The following SEC24A variants were observed in gnomAD, a reference collection of about 807,000 sequenced individuals.
SEC24A encodes SEC24 homolog A, COPII component, also known as protein transport protein Sec24A.
A neutral mutation model predicts 129.4 loss-of-function variants in SEC24A; 93 were observed. The observed-to-expected ratio is 0.72, with a 90% CI of 0.61 to 0.85. The LOEUF is 0.85. SEC24A is among the 40% of genes least tolerant of loss of function. The pLI, the probability that SEC24A is intolerant of heterozygous loss-of-function variation, is 0.00. For synonymous variants in SEC24A, 460 were observed against 467.3 expected (o/e 0.98, Z 0.20); for missense variants, 1,264 against 1,307.4 (o/e 0.97, Z 0.51).
chr5:134,653,443 G>C (rs1354506683), intron 1 of SEC24A, among the ~76,000 whole-genome samples: 1 of 152,070 alleles, frequency 6.6e-6, no homozygotes, highest in Non-Finnish European at 1.5e-5. Flanking sequence ...AGAAAACAGA[G>C]CTGCACTCTG....
rs142859599 is a variant in SEC24A at position 134,681,048 on chromosome 5, G to A, written c.1381+1320G>A. 5.1e-3 allele frequency among the ~76,000 whole-genome samples: 762 copies of A among 150,678 alleles called. 6 individuals are homozygous for A. The highest frequency in any genetic ancestry group is 7.7e-3 in the Non-Finnish European group (519 of 67,752). ...CAGGAAGCAAAGGTTTCAGTGAGCC[G>A]AAATCGAGTCATTGCACTCCAGCCT... On this transcript the variant is annotated intron_variant, in intron 8 of 22. Transcript: ENST00000398844.
Position 134,712,308 on chromosome 5 carries a change from T to C in SEC24A, c.2728-2716T>C, listed in dbSNP as rs149736101. On this transcript the variant is annotated intron_variant, in intron 18 of 22. Coordinates refer to ENST00000398844, the MANE Select transcript of SEC24A (RefSeq NM_021982.3). The stretch of plus-strand genomic sequence containing the variant: ...CACTGTCATCCGGGCTGGAGTGTAG[T>C]GACGTGATCTTGGCTCACTGCAACC... Among the ~76,000 whole-genome samples the C allele has an allele frequency of 9.3e-3, 1,414 of 152,040 alleles. 10 individuals carry two copies. Among genetic ancestry groups the C allele is most frequent in the Admixed American group, 0.022 (333 of 15,252 alleles).
intron 4 of SEC24A, among the ~76,000 whole-genome samples, chr5:134,672,671 T>C (rs765676465): frequency 1.3e-5 from 2 of 152,210 alleles, no homozygotes; most frequent in African/African-American, 2.4e-5. Flanking sequence ...AGATTTTTTG[T>C]TAAGTTTTTC....
At position 134,674,843 on chromosome 5, in the gene SEC24A, G is replaced by C. The variant is rs138417131; in HGVS notation, c.978+68G>C. On this transcript the variant is annotated intron_variant, in intron 5 of 22. Coordinates refer to ENST00000398844, the MANE Select transcript of SEC24A (RefSeq NM_021982.3). ...TTTAAACTGTATACACATGAAGAAAGTTTTAGGAAGGTATATTATACATTT... is the reference window on the plus strand; with the variant it reads ...TTTAAACTGTATACACATGAAGAAACTTTTAGGAAGGTATATTATACATTT... The C allele has an allele frequency of 3.4e-4, 467 of 1,372,494 alleles. No individual in the cohort carries two copies. The African/African-American group carries it at 6.1e-3, about 18-fold the overall frequency. The allele number at this position is 1,372,494 out of a possible 1,614,324, so 85.0% of individuals were successfully genotyped here. A position where few individuals can be genotyped will look rare whatever the true frequency, so the allele number is the denominator to read the frequency against.
In SEC24A at chr5:134,674,683, C is replaced by A. The variant is rs1361774607; in HGVS notation, c.886C>A (p.Pro296Thr). The A allele has an allele frequency of 3.7e-6, 6 of 1,613,904 alleles. No homozygotes were observed. The highest frequency in any genetic ancestry group is 5.1e-6 in the Non-Finnish European group (6 of 1,179,904). The change falls in exon 5 of 23, where the codon CCA becomes ACA. Residue 296 changes from proline (P) to threonine (T), a missense_variant. Coordinates refer to ENST00000398844, the MANE Select transcript of SEC24A (RefSeq NM_021982.3). ...RSVGYSYPSL[P>T]PGYQNTTPPG... is the part of the protein sequence containing the mutation. Reference sequence around the variant, plus strand: ...TGTTGGATATTCATATCCCTCCTTACCACCTGGTTATCAGAACACAACACC... The same window carrying A: ...TGTTGGATATTCATATCCCTCCTTAACACCTGGTTATCAGAACACAACACC...
At chr5:134,693,349 G>T (rs1751720391) in intron 12 of SEC24A, 1 of 1,372,846 alleles carries the variant, frequency 7.3e-7, no homozygotes, top group Non-Finnish European at 9.4e-7. Flanking sequence ...ATTTGCAACA[G>T]GGAAGAGCTA....
intron 11 of SEC24A, among the ~76,000 whole-genome samples, chr5:134,692,267 A>G (rs866816393): frequency 6.6e-6 from 1 of 152,016 alleles, no homozygotes; most frequent in Admixed American, 6.6e-5. Flanking sequence ...GGCTGGTCTC[A>G]AACTCCTGAG....
rs539922166 is a variant in SEC24A at position 134,726,714 on chromosome 5, T to C, written c.*1620T>C. ...GAAGCAATTTTCAAATTGTAGCGAATTATATTATCCCCTCTTTTAAAGAAA... is the reference window on the plus strand; with the variant it reads ...GAAGCAATTTTCAAATTGTAGCGAACTATATTATCCCCTCTTTTAAAGAAA... On this transcript the variant is annotated 3_prime_UTR_variant, in exon 23 of 23. Coordinates refer to ENST00000398844, the MANE Select transcript of SEC24A (RefSeq NM_021982.3). 6.6e-6 allele frequency: 1 copy of C among 152,340 alleles called. No individual in the cohort carries two copies. Among genetic ancestry groups the C allele is most frequent in the South Asian group, 2.1e-4 (1 of 4,834 alleles). The allele number at this position is 152,340 out of a possible 1,614,324, so 9.4% of individuals were successfully genotyped here. A position where few individuals can be genotyped will look rare whatever the true frequency, so the allele number is the denominator to read the frequency against.
chr5:134,723,632 A>G lies in SEC24A; in HGVS notation c.3129A>G (p.Arg1043=). 1 of 1,612,386 alleles carries G rather than the reference A, an allele frequency of 6.2e-7. No homozygotes were observed. The highest frequency in any genetic ancestry group is 8.5e-7 in the Non-Finnish European group (1 of 1,178,496). The change falls in exon 22 of 23, where the codon AGA becomes AGG. Residue 1043 remains arginine (R), a synonymous_variant. Transcript: ENST00000398844. ...TAATAGCTTTCATCTCTTGGCTTAG[A>G]GAGCAGAGACCATTTTTCCCAATAC... ...ARIIAFISWL[R]EQRPFFPILY...
chr5:134,668,620 G>T (rs1360772826), intron 3 of SEC24A, among the ~76,000 whole-genome samples: 1 of 152,184 alleles, frequency 6.6e-6, no homozygotes, highest in Non-Finnish European at 1.5e-5. Context: ...CAGCTACTCA[G>T]GAGGCTGAGG....
Position 134,698,032 on chromosome 5 carries a change from A to G in SEC24A, c.2241A>G (p.Ala747=). The G allele has an allele frequency of 6.2e-7, 1 of 1,611,818 alleles. No homozygotes were observed. The highest frequency in any genetic ancestry group is 8.5e-7 in the Non-Finnish European group (1 of 1,179,430). ...RYLTRKIGFE[A]VMRIRCTKGL... ...TTACTCGGAAGATTGGCTTTGAGGCAGTCATGAGGATTCGGTGCACCAAAG... is the reference window on the plus strand; with the variant it reads ...TTACTCGGAAGATTGGCTTTGAGGCGGTCATGAGGATTCGGTGCACCAAAG... The change falls in exon 15 of 23, where the codon GCA becomes GCG. Residue 747 remains alanine, a synonymous_variant. Transcript: ENST00000398844.
intron 12 of SEC24A, chr5:134,693,313 G>A: frequency 2.2e-6 from 3 of 1,388,992 alleles, no homozygotes; most frequent in Non-Finnish European, 2.8e-6. Flanking sequence ...GATATTACTA[G>A]TTGGCAAAGT....
chr5:134,661,673 A>G, intron 2 of SEC24A, 87 bp downstream of exon 2: 1 of 1,010,308 alleles, frequency 9.9e-7, no homozygotes, highest in Non-Finnish European at 1.4e-6. Context: ...AAACCTGAAA[A>G]CCATATGGAA....
chr5:134,711,205 T>C (rs1019520193), intron 18 of SEC24A, among the ~76,000 whole-genome samples: 1 of 151,792 alleles, frequency 6.6e-6, no homozygotes, highest in African/African-American at 2.4e-5. Context: ...GGTTCACACC[T>C]ATAACCCAAT....
intron 6 of SEC24A, among the ~76,000 whole-genome samples, 160 bp downstream of exon 6, chr5:134,675,377 G>A (rs1043360902): frequency 1.3e-5 from 2 of 152,142 alleles, no homozygotes; most frequent in Non-Finnish European, 2.9e-5. Flanking sequence ...ATAGAGATTT[G>A]AAAAGTCCTA....
chr5:134,651,490 T>A (rs1376449922), intron 1 of SEC24A, among the ~76,000 whole-genome samples: 2 of 151,398 alleles, frequency 1.3e-5, no homozygotes, highest in African/African-American at 4.8e-5. Context: ...AGATGGGGTT[T>A]CACCATGTTG....
At chr5:134,655,007 G>A (rs777129976) in intron 1 of SEC24A, among the ~76,000 whole-genome samples, 5 of 151,846 alleles carry the variant, frequency 3.3e-5, no homozygotes, top group African/African-American at 7.3e-5. Context: ...GAACCACTAC[G>A]CCTGGCCCAG....
chr5:134,707,564 C>T (rs560676585), intron 17 of SEC24A, among the ~76,000 whole-genome samples: 1 of 152,042 alleles, frequency 6.6e-6, no homozygotes, highest in Non-Finnish European at 1.5e-5. Flanking sequence ...CTCCTGACCT[C>T]GTGATCCACC....
intron 9 of SEC24A, among the ~76,000 whole-genome samples, chr5:134,685,845 C>T (rs534837436): frequency 3.4e-4 from 52 of 152,100 alleles, no homozygotes; most frequent in African/African-American, 8.4e-4. Flanking sequence ...AAAAATTAGC[C>T]GGGCGTGGTG....
Sources: allele counts gnomAD v4.1 joint callset (sites outside exome capture counted in the v4.1 genomes callset), GRCh38; gene constraint gnomAD v4.1.1; transcripts MANE v1.5; gene names NCBI Gene and HGNC (gene_info 2026-07-23, HGNC 2026-07-21).